Variants in GRM3 observed in about 807,000 individuals in gnomAD.
GRM3 encodes metabotropic glutamate receptor 3.
In GRM3, 26 loss-of-function variants were observed where a neutral mutation model predicts 70.5. That is an observed-to-expected ratio of 0.37 (90% CI 0.27 to 0.51). The LOEUF is 0.51. GRM3 is among the 20% of genes least tolerant of loss of function. GRM3 has a pLI of 0.93. For synonymous variants in GRM3, 443 were observed against 434.9 expected (o/e 1.02, Z -0.23); for missense variants, 859 against 1,123.8 (o/e 0.76, Z 3.37).
intron 1 of GRM3, among the ~76,000 whole-genome samples, chr7:86,646,218 A>G (rs1006193971): frequency 1.3e-5 from 2 of 152,218 alleles, no homozygotes; most frequent in Admixed American, 6.5e-5. Flanking sequence ...ATGATTCTAT[A>G]TTCCTACGTA....
chr7:86,822,883 T>C (rs1055654846), intron 3 of GRM3, among the ~76,000 whole-genome samples: 1 of 152,168 alleles, frequency 6.6e-6, no homozygotes, highest in Non-Finnish European at 1.5e-5. Flanking sequence ...AGTAACGAAG[T>C]TACTGTTTAG....
chr7:86,680,680 G>T (rs1019625162), intron 1 of GRM3, among the ~76,000 whole-genome samples: 2 of 152,110 alleles, frequency 1.3e-5, no homozygotes, highest in Admixed American at 6.6e-5. Flanking sequence ...GATTGCAGGG[G>T]AAGAATGATC....
chr7:86,723,663 G>A (rs1795526116), intron 1 of GRM3, among the ~76,000 whole-genome samples: 1 of 152,180 alleles, frequency 6.6e-6, no homozygotes, highest in African/African-American at 2.4e-5. Context: ...CCACAGGGCA[G>A]TTCTTTGAGG....
At chr7:86,857,654 T>C (rs1256177357) in intron 5 of GRM3, among the ~76,000 whole-genome samples, 1 of 152,194 alleles carries the variant, frequency 6.6e-6, no homozygotes, top group African/African-American at 2.4e-5. Flanking sequence ...AGTTTAACAC[T>C]TTTGGTTTTA....
intron 1 of GRM3, among the ~76,000 whole-genome samples, chr7:86,745,395 C>A (rs1796078531): frequency 6.6e-6 from 1 of 152,010 alleles, no homozygotes; most frequent in Non-Finnish European, 1.5e-5. Context: ...AGAATACCAC[C>A]CTCCAAATCT....
At chr7:86,729,099 C>T (rs1211914490) in intron 1 of GRM3, among the ~76,000 whole-genome samples, 1 of 152,136 alleles carries the variant, frequency 6.6e-6, no homozygotes, top group African/African-American at 2.4e-5. Flanking sequence ...TGATTAGCTT[C>T]CTTTTGTGAG....
intron 4 of GRM3, 21 bp from the exon 5 acceptor site, chr7:86,850,349 C>G (rs748471453): frequency 1.9e-5 from 31 of 1,596,946 alleles, no homozygotes; most frequent in Non-Finnish European, 2.7e-5. Context: ...CAGACACTTA[C>G]TAGCCAACCT....
intron 3 of GRM3, among the ~76,000 whole-genome samples, chr7:86,830,295 G>A (rs1798325110): frequency 6.6e-6 from 1 of 152,120 alleles, no homozygotes; most frequent in South Asian, 2.1e-4. Context: ...CTCCCACAAG[G>A]CCCCAGTGAG....
At chr7:86,800,448 T>C (rs1797656000) in intron 3 of GRM3, among the ~76,000 whole-genome samples, 1 of 152,078 alleles carries the variant, frequency 6.6e-6, no homozygotes, top group South Asian at 2.1e-4. Context: ...TAAAAAATGA[T>C]AAAGGGATAT....
intron 4 of GRM3, among the ~76,000 whole-genome samples, chr7:86,845,639 C>T (rs1369958206): frequency 1.3e-5 from 2 of 152,058 alleles, no homozygotes; most frequent in Non-Finnish European, 1.5e-5. Flanking sequence ...TTAATCTAGC[C>T]TTAAGTAATA....
At chr7:86,855,769 G>T (rs889767636) in intron 5 of GRM3, among the ~76,000 whole-genome samples, 1 of 152,112 alleles carries the variant, frequency 6.6e-6, no homozygotes, top group Non-Finnish European at 1.5e-5. Context: ...GTTAGCAAGG[G>T]GCAATGGCCT....
In GRM3 at chr7:86,839,111, C is replaced by T. The variant is rs778683864; in HGVS notation, c.1597C>T (p.Pro533Ser). The part of the protein sequence containing the change: ...PGDVCCWICI[P>S]CEPYEYLADE... ...GGATGTCTGCTGCTGGATTTGCATC[C>T]CCTGTGAACCCTACGAATACCTGGC... Residue 533 changes from proline (P) to serine (S), a missense_variant, in exon 4 of 6, where the codon CCC becomes TCC. By Grantham distance (74) the Pro-to-Ser change is moderately conservative. Coordinates refer to ENST00000361669, the MANE Select transcript of GRM3 (RefSeq NM_000840.3). The surrounding 1 kb of genome is among the most constrained non-coding windows in gnomAD (Gnocchi z 4.5). The T allele has an allele frequency of 6.2e-7, 1 of 1,614,042 alleles. No homozygotes were observed. Among genetic ancestry groups the T allele is most frequent in the Non-Finnish European group, 8.5e-7 (1 of 1,179,960 alleles).
intron 1 of GRM3, among the ~76,000 whole-genome samples, chr7:86,661,583 A>G (rs1793894402): frequency 6.6e-6 from 1 of 152,000 alleles, no homozygotes; most frequent in Admixed American, 6.6e-5. Flanking sequence ...TCACAACTTC[A>G]GTGTTCTTTT....
intron 1 of GRM3, among the ~76,000 whole-genome samples, chr7:86,711,068 C>T (rs1381391013): frequency 6.6e-6 from 1 of 152,072 alleles, no homozygotes; most frequent in Non-Finnish European, 1.5e-5. Context: ...TAGAGAAGTA[C>T]TCTCTCTGAG....
intron 1 of GRM3, among the ~76,000 whole-genome samples, chr7:86,734,138 G>A (rs1467214145): frequency 6.6e-6 from 1 of 152,158 alleles, no homozygotes; most frequent in African/African-American, 2.4e-5. Context: ...AAGAATACCT[G>A]ATAGGCTATA....
intron 1 of GRM3, among the ~76,000 whole-genome samples, chr7:86,667,567 G>A (rs1794058504): frequency 6.6e-6 from 1 of 152,022 alleles, no homozygotes; most frequent in African/African-American, 2.4e-5. Flanking sequence ...GAAGAATGGG[G>A]GTTCACACTG....
intron 1 of GRM3, among the ~76,000 whole-genome samples, chr7:86,720,968 G>A (rs945810666): frequency 1.3e-5 from 2 of 152,054 alleles, no homozygotes; most frequent in East Asian, 1.9e-4. Flanking sequence ...TGTGTACTAT[G>A]AGAGAAATAA....
chr7:86,801,728 T>G (rs900580496), intron 3 of GRM3, among the ~76,000 whole-genome samples: 1 of 152,208 alleles, frequency 6.6e-6, no homozygotes, highest in Non-Finnish European at 1.5e-5. Flanking sequence ...ATAAGTTGCA[T>G]AGTATTTAGA....
intron 2 of GRM3, among the ~76,000 whole-genome samples, chr7:86,769,251 A>G (rs1796680681): frequency 6.6e-6 from 1 of 152,110 alleles, no homozygotes; most frequent in African/African-American, 2.4e-5. Flanking sequence ...TATGTACTGG[A>G]AATTGTCTTT....
Sources: allele counts gnomAD v4.1 joint callset (sites outside exome capture counted in the v4.1 genomes callset), GRCh38; gene constraint gnomAD v4.1.1; non-coding constraint Gnocchi (gnomAD v3.1); transcripts MANE v1.5; gene names NCBI Gene and HGNC (gene_info 2026-07-23, HGNC 2026-07-21).